ZFR: variants seen among roughly 807,000 people sequenced by gnomAD.
The protein encoded by ZFR is zinc finger RNA-binding protein.
A neutral mutation model predicts 130.7 loss-of-function variants in ZFR; 19 were observed. The ratio of observed to expected loss-of-function variants is 0.15; its 90% CI spans 0.10 to 0.21. The LOEUF (loss-of-function observed/expected upper bound fraction) is 0.21, where lower values mean the gene tolerates loss of function less well. Ranked by LOEUF, ZFR falls within the 10% of genes least tolerant of loss-of-function variation. The pLI is 1.00. For synonymous variants in ZFR, 466 were observed against 456.9 expected (o/e 1.02, Z -0.25); for missense variants, 872 against 1,321.5 (o/e 0.66, Z 5.27).
In ZFR at chr5:32,372,425, C is replaced by T. The variant is rs1752693218; in HGVS notation, c.2835+6690G>A. ...TATGTGGGAACTCTATATGGTTGACCCTTGAAAAACGTGAGTTTGAACTGC... is the reference window on the plus strand; with the variant it reads ...TATGTGGGAACTCTATATGGTTGACTCTTGAAAAACGTGAGTTTGAACTGC... On this transcript the variant is annotated intron_variant, in intron 17 of 19. Transcript: ENST00000265069. 2.0e-5 allele frequency among the ~76,000 whole-genome samples: 3 copies of T among 151,894 alleles called. No homozygotes were observed. The South Asian group carries it at 6.2e-4, about 32-fold the overall frequency.
chr5:32,387,416 CA>C (rs1013571053), intron 14 of ZFR, 132 bp downstream of exon 14: 3 of 967,512 alleles, frequency 3.1e-6, no homozygotes, highest in Non-Finnish European at 4.6e-6. Flanking sequence ...CACAATCAAA[CA>C]AAAAAACTCA....
chr5:32,400,150 C>T lies in ZFR; in HGVS notation c.1570G>A (p.Glu524Lys), dbSNP rs1427030825. 3.7e-6 allele frequency: 6 copies of T among 1,612,106 alleles called. No individual in the cohort carries two copies. The highest frequency in any genetic ancestry group is 5.1e-6 in the Non-Finnish European group (6 of 1,178,910). Residue 524 changes from glutamate to lysine, a missense_variant, in exon 9 of 20, where the codon GAA becomes AAA. Coordinates refer to ENST00000265069, the MANE Select transcript of ZFR (RefSeq NM_016107.5). ...GNKAEDIKGT[E>K]CVKSTPVTSA... ...GTGACAGGAGTACTTTTAACACATT[C>T]GGTTCCTTTTATGTCTTCTGCTTTA... is the stretch of plus-strand genomic sequence containing the variant.
chr5:32,388,762 C>T lies in ZFR; in HGVS notation c.2143-88G>A, dbSNP rs1032815620. The T allele has an allele frequency of 2.5e-6, 3 of 1,178,572 alleles. No homozygotes were observed. In the African/African-American group the frequency reaches 4.7e-5, roughly 18 times the overall value. 73.0% of individuals were successfully genotyped at this position (1,178,572 alleles called of 1,614,324 possible). ...TTTCAACTATACATATTTGTTGTAT[C>T]TTTTCAATAAGAAAGCCTTTATCTT... On this transcript the variant is annotated intron_variant, in intron 12 of 19. Transcript: ENST00000265069.
At position 32,393,502 on chromosome 5, in the gene ZFR, C is replaced by A. The variant is rs1753228374; in HGVS notation, c.1979+1657G>T. Reference sequence around the variant, plus strand: ...GGAATTACAGGCATGCGCCACCACGCCGGCTAATTTTGTATTTTTAGTAGA... The same window carrying A: ...GGAATTACAGGCATGCGCCACCACGACGGCTAATTTTGTATTTTTAGTAGA... On this transcript the variant is annotated intron_variant, in intron 11 of 19. Coordinates refer to ENST00000265069, the MANE Select transcript of ZFR (RefSeq NM_016107.5). 2.6e-5 allele frequency among the ~76,000 whole-genome samples: 4 copies of A among 151,980 alleles called. No individual in the cohort carries two copies. The South Asian group carries it at 8.3e-4, about 31-fold the overall frequency.
rs1303343388 is a variant in ZFR at position 32,438,251 on chromosome 5, AAATTTTTTTTTTTT to A, written c.137+5964_137+5977del. The stretch of plus-strand genomic sequence containing the variant: ...CAAGAATGCTACTGATTTTATCTGA[AAATTTTTTTTTTTT>A]TTTTTTTTTTTTTTTGAGACGGAGT... On this transcript the variant is annotated intron_variant, in intron 2 of 19. Coordinates refer to ENST00000265069, the MANE Select transcript of ZFR (RefSeq NM_016107.5). Among the ~76,000 whole-genome samples, 3 of 34,662 alleles carry A rather than the reference AAATTTTTTTTTTTT, an allele frequency of 8.7e-5. No individual in the cohort carries two copies. In the South Asian group the frequency reaches 3.3e-3, roughly 38 times the overall value. The allele number at this position is 34,662 out of a possible 152,430, so 22.7% of individuals were successfully genotyped here.
At chr5:32,394,710 T>C (rs1753259913) in intron 11 of ZFR, among the ~76,000 whole-genome samples, 1 of 152,220 alleles carries the variant, frequency 6.6e-6, no homozygotes, top group Non-Finnish European at 1.5e-5. Context: ...TCAATAAAAC[T>C]TAACATTTGT....
At chr5:32,403,798 T>C (rs1320612045) in intron 7 of ZFR, 108 bp downstream of exon 7, 7 of 967,090 alleles carry the variant, frequency 7.2e-6, no homozygotes, top group Middle Eastern at 4.7e-4. Flanking sequence ...AGGCTTATAA[T>C]GCACTTAAAA....
At chr5:32,397,940 C>T (rs2111759885) in intron 9 of ZFR, among the ~76,000 whole-genome samples, 1 of 143,912 alleles carries the variant, frequency 6.9e-6, no homozygotes, top group East Asian at 2.1e-4. Flanking sequence ...TCACTGCCAG[C>T]TCCGCCTCCT....
At chr5:32,358,776 A>G (rs2963990) in intron 19 of ZFR, among the ~76,000 whole-genome samples, 1 of 151,762 alleles carries the variant, frequency 6.6e-6, no homozygotes, top group East Asian at 1.9e-4. Flanking sequence ...GCTGAAGGGC[A>G]TATCGAACTA....
At chr5:32,373,062 C>T (rs10080085) in intron 17 of ZFR, among the ~76,000 whole-genome samples, 25,912 of 152,052 alleles carry the variant, frequency 0.17, 2,976 homozygotes, top group African/African-American at 0.33. Context: ...TTATTATTTA[C>T]CAAAACAAAA....
intron 2 of ZFR, among the ~76,000 whole-genome samples, chr5:32,440,997 C>T (rs78997203): frequency 0.019 from 2,907 of 152,228 alleles, 45 homozygotes; most frequent in Non-Finnish European, 0.03. Context: ...TATTTTGAGA[C>T]GGAGTCTGTC....
intron 15 of ZFR, among the ~76,000 whole-genome samples, chr5:32,380,741 T>G (rs191417890): frequency 6.9e-6 from 1 of 145,744 alleles, no homozygotes; most frequent in Non-Finnish European, 1.5e-5. Context: ...CTCGGCCTCC[T>G]GGGTTCAAGC....
rs1753026246 is a variant in ZFR at position 32,385,570 on chromosome 5, T to G, written c.2579A>C (p.Lys860Thr). The G allele has an allele frequency of 6.2e-7, 1 of 1,613,578 alleles. No homozygotes were observed. Among genetic ancestry groups the G allele is most frequent in the Non-Finnish European group, 8.5e-7 (1 of 1,179,590 alleles). ...TGTCAGTGTGATAGTGACTTGCATT[T>G]TGGGTTCCACACATGAATTCAAAAT... ...AIILNSCVEP[K>T]MQVTITLTSP... The change falls in exon 15 of 20, where the codon AAA becomes ACA. Residue 860 changes from lysine to threonine, a missense_variant. This residue lies in a region of ZFR where 225 missense variants were observed against 282.4 expected (regional missense o/e 0.80). Coordinates refer to ENST00000265069, the MANE Select transcript of ZFR (RefSeq NM_016107.5).
Position 32,419,926 on chromosome 5 carries a change from AGCAGCAGCTGTTGCAGCAGCT to A in ZFR, c.294_314del (p.Ala99_Ala105del), listed in dbSNP as rs780703024. The A allele has an allele frequency of 6.2e-7, 1 of 1,613,934 alleles. No homozygotes were observed. The highest frequency in any genetic ancestry group is 8.5e-7 in the Non-Finnish European group (1 of 1,179,958). ...TGTGTGCAGTGGGGTAGCCTCCATA[AGCAGCAGCTGTTGCAGCAGCT>A]GCAACAGCTACTGGAGCAGGCCTGG... is the stretch of plus-strand genomic sequence containing the variant. On this transcript the variant is annotated inframe_deletion, in exon 3 of 20. Transcript: ENST00000265069.
At position 32,395,142 on chromosome 5, in the gene ZFR, A is replaced by G. The variant is rs746374875; in HGVS notation, c.1979+17T>C. Reference sequence around the variant, plus strand: ...GGCTGAACCACTTACCAGGCTATTAAAAGTTAAAGATATTACCTCATTTCC... The same window carrying G: ...GGCTGAACCACTTACCAGGCTATTAGAAGTTAAAGATATTACCTCATTTCC... On this transcript the variant is annotated intron_variant, in intron 11 of 19. Coordinates refer to ENST00000265069, the MANE Select transcript of ZFR (RefSeq NM_016107.5). 7 of 1,570,426 alleles carry G rather than the reference A, an allele frequency of 4.5e-6. No homozygotes were observed. The highest frequency in any genetic ancestry group is 5.2e-6 in the Non-Finnish European group (6 of 1,161,738).
chr5:32,431,186 C>G (rs190887514), intron 2 of ZFR, among the ~76,000 whole-genome samples: 1 of 152,158 alleles, frequency 6.6e-6, no homozygotes, highest in East Asian at 1.9e-4. Context: ...GAATGTTGAG[C>G]AAAAAGAGTG....
At chr5:32,364,371 G>GA in intron 17 of ZFR, 96 bp from the exon 18 acceptor site, 1 of 851,852 alleles carries the variant, frequency 1.2e-6, no homozygotes. Context: ...TTTAAAGACT[G>GA]AAAAAGCTAC....
At chr5:32,433,717 G>C (rs1335572442) in intron 2 of ZFR, among the ~76,000 whole-genome samples, 1 of 152,192 alleles carries the variant, frequency 6.6e-6, no homozygotes, top group East Asian at 1.9e-4. Context: ...TTTATATAAA[G>C]CATCTGTTTT....
At chr5:32,367,798 AG>A (rs1302585800) in intron 17 of ZFR, among the ~76,000 whole-genome samples, 3 of 152,324 alleles carry the variant, frequency 2.0e-5, no homozygotes, top group South Asian at 4.1e-4. Flanking sequence ...AGTTATAATA[AG>A]AGTAACTCTT....
Sources: allele counts gnomAD v4.1 joint callset (sites outside exome capture counted in the v4.1 genomes callset), GRCh38; gene constraint gnomAD v4.1.1; regional missense constraint gnomAD v4.1.1; transcripts MANE v1.5; gene names NCBI Gene and HGNC (gene_info 2026-07-23, HGNC 2026-07-21).